The following PYGB variants were observed in gnomAD, a reference collection of about 807,000 sequenced individuals.
PYGB encodes glycogen phosphorylase, brain form.
A neutral mutation model predicts 94.3 loss-of-function variants in PYGB; 82 were observed. The ratio of observed to expected loss-of-function variants is 0.87; its 90% CI spans 0.73 to 1.04. The LOEUF is 1.04. Among genes scored for constraint, PYGB ranks in the 50% least tolerant of loss-of-function variants. PYGB has a pLI of 0.00. For synonymous variants in PYGB, 488 were observed against 479.1 expected, an observed-to-expected ratio of 1.02 and a Z score of -0.24; for missense variants, 1,132 against 1,158.2, an observed-to-expected ratio of 0.98 and a Z score of 0.33.
chr20:25,269,260 G>A (rs1379524120), intron 3 of PYGB, 53 bp downstream of exon 3: 6 of 1,460,308 alleles, frequency 4.1e-6, no homozygotes, highest in East Asian at 2.3e-5. Context: ...CTTGGTTGGA[G>A]GCCACGTGGT....
Position 25,296,502 on chromosome 20 carries a change from C to T in PYGB, c.2512C>T (p.Pro838Ser). 2 of 1,613,612 alleles carry T rather than the reference C, an allele frequency of 1.2e-6. No homozygotes were observed. Among genetic ancestry groups the T allele is most frequent in the Non-Finnish European group, 8.5e-7 (1 of 1,179,928 alleles). The change falls in exon 20 of 20, where the codon CCC becomes TCC. Residue 838 changes from proline to serine, a missense_variant. Coordinates refer to ENST00000216962, the MANE Select transcript of PYGB (RefSeq NM_002862.4). ...VEPSDLQIPPPNIPRD is the reference protein window; with the variant it reads ...VEPSDLQIPPSNIPRD ...GCCCTCCGACCTGCAGATCCCGCCCCCCAACATCCCCCGGGACTAGGCACA... is the reference window on the plus strand; with the variant it reads ...GCCCTCCGACCTGCAGATCCCGCCCTCCAACATCCCCCGGGACTAGGCACA...
chr20:25,294,574 C>T (rs917180172), intron 18 of PYGB, among the ~76,000 whole-genome samples: 7 of 152,208 alleles, frequency 4.6e-5, no homozygotes, highest in Non-Finnish European at 7.3e-5. Context: ...GGGGTGTCCT[C>T]TGCTGGTTGG....
At chr20:25,285,109 G>C (rs2088405451) in intron 14 of PYGB, 1 of 152,198 alleles carries the variant, frequency 6.6e-6, no homozygotes, top group African/African-American at 2.4e-5. Context: ...TGGAGGATCT[G>C]GGTGCGTTTG....
In PYGB at chr20:25,259,312, A is replaced by G. The variant is rs2092908675; in HGVS notation, c.319A>G (p.Asn107Asp). The change falls in exon 2 of 20, where the codon AAT becomes GAT. Residue 107 changes from asparagine (N) to aspartate (D), a missense_variant. Coordinates refer to ENST00000216962, the MANE Select transcript of PYGB (RefSeq NM_002862.4). ...CACGATGGTGAACCTGGGCCTTCAG[A>G]ATGCCTGCGATGAAGCCATCTATCA... is the stretch of plus-strand genomic sequence containing the variant. ...QNTMVNLGLQ[N>D]ACDEAIYQLG... 10 of 1,611,044 alleles carry G rather than the reference A, an allele frequency of 6.2e-6. No homozygotes were observed. The highest frequency in any genetic ancestry group is 8.5e-6 in the Non-Finnish European group (10 of 1,177,272).
chr20:25,261,066 A>C (rs2092912430), intron 2 of PYGB, among the ~76,000 whole-genome samples: 2 of 152,260 alleles, frequency 1.3e-5, no homozygotes, highest in Non-Finnish European at 1.5e-5. Flanking sequence ...GGCATAGCTG[A>C]ACAAAAGGCA....
intron 14 of PYGB, 27 bp downstream of exon 14, chr20:25,284,278 C>G (rs368905965): frequency 3.2e-5 from 51 of 1,601,964 alleles, no homozygotes; most frequent in Admixed American, 1.5e-4. Context: ...CCTGCATGAC[C>G]GCGCTGTGGG....
chr20:25,294,378 T>C (rs1023703832), intron 18 of PYGB, 86 bp downstream of exon 18: 33 of 1,463,738 alleles, frequency 2.3e-5, no homozygotes, highest in South Asian at 5.0e-5. Context: ...CCACCTTGTT[T>C]GGAGAGCAAA....
intron 2 of PYGB, among the ~76,000 whole-genome samples, chr20:25,263,905 G>A (rs113947628): frequency 1.7e-3 from 260 of 152,304 alleles, no homozygotes; most frequent in Middle Eastern, 0.01. Context: ...AATAGAAAAA[G>A]AGAGAATCCT....
intron 2 of PYGB, among the ~76,000 whole-genome samples, chr20:25,263,213 G>C (rs1232357536): frequency 6.6e-6 from 1 of 152,172 alleles, no homozygotes; most frequent in African/African-American, 2.4e-5. Context: ...CACATAGTTG[G>C]AAGTAAAGCA....
chr20:25,270,775 G>A (rs943046627), intron 3 of PYGB, among the ~76,000 whole-genome samples: 14 of 152,192 alleles, frequency 9.2e-5, no homozygotes, highest in Admixed American at 7.9e-4. Flanking sequence ...GATCACAGGT[G>A]TGAGCCACCA....
At position 25,296,657 on chromosome 20, in the gene PYGB, G is replaced by C; in HGVS notation, c.*135G>C. 8.2e-7 allele frequency: 1 copy of C among 1,218,636 alleles called. No individual in the cohort carries two copies. Among genetic ancestry groups the C allele is most frequent in the Non-Finnish European group, 1.1e-6 (1 of 892,868 alleles). The allele number at this position is 1,218,636 out of a possible 1,614,324, so 75.5% of individuals were successfully genotyped here. A position where few individuals can be genotyped will look rare whatever the true frequency, so the allele number is the denominator to read the frequency against. On this transcript the variant is annotated 3_prime_UTR_variant, in exon 20 of 20. Transcript: ENST00000216962. ...TACCATGTTTCCAGGAGGGGCCATGGGGGTCAGGGTGGTTTTGAGAGAGCA... is the reference window on the plus strand; with the variant it reads ...TACCATGTTTCCAGGAGGGGCCATGCGGGTCAGGGTGGTTTTGAGAGAGCA...
chr20:25,289,581 C>T (rs1279877955), intron 15 of PYGB, among the ~76,000 whole-genome samples: 1 of 151,720 alleles, frequency 6.6e-6, no homozygotes, highest in Non-Finnish European at 1.5e-5. Context: ...GTGATTGAGG[C>T]TATAGTGAGC....
chr20:25,281,179 C>A, intron 11 of PYGB, 67 bp downstream of exon 11: 3 of 1,569,942 alleles, frequency 1.9e-6, no homozygotes, highest in Non-Finnish European at 2.6e-6. Flanking sequence ...CTAGGACCAT[C>A]CACCAAACAC....
chr20:25,292,883 GCTC>G (rs751153870), intron 17 of PYGB, among the ~76,000 whole-genome samples: 1 of 152,118 alleles, frequency 6.6e-6, no homozygotes, highest in African/African-American at 2.4e-5. Context: ...CAGACCAGGG[GCTC>G]CTCCTCCAGG....
chr20:25,290,715 A>G, intron 16 of PYGB, 93 bp downstream of exon 16: 1 of 1,522,828 alleles, frequency 6.6e-7, no homozygotes, highest in Non-Finnish European at 9.0e-7. Context: ...CAGCCAGTTC[A>G]GCTCTGCCTG....
intron 4 of PYGB, 95 bp downstream of exon 4, chr20:25,271,581 C>T: frequency 7.3e-7 from 1 of 1,367,244 alleles, no homozygotes; most frequent in South Asian, 1.2e-5. Flanking sequence ...TTCCCACGCC[C>T]CCGCCAGGGG....
chr20:25,293,658 C>T (rs2088495769), intron 17 of PYGB, among the ~76,000 whole-genome samples: 1 of 152,224 alleles, frequency 6.6e-6, no homozygotes, highest in Non-Finnish European at 1.5e-5. Flanking sequence ...GGGCCCCGTC[C>T]TGGGATGCCC....
chr20:25,248,960 C>T (rs1166591883), intron 1 of PYGB, among the ~76,000 whole-genome samples: 1 of 152,204 alleles, frequency 6.6e-6, no homozygotes, highest in South Asian at 2.1e-4. Flanking sequence ...GGGAGGGGTA[C>T]GAAGCTCAGA....
At chr20:25,294,037 C>A in intron 17 of PYGB, 121 bp from the exon 18 acceptor site, 2 of 1,368,300 alleles carry the variant, frequency 1.5e-6, no homozygotes, top group Non-Finnish European at 2.0e-6. Context: ...CTGGACCGTG[C>A]AGGCCTTGAG....
Sources: allele counts gnomAD v4.1 joint callset (sites outside exome capture counted in the v4.1 genomes callset), GRCh38; gene constraint gnomAD v4.1.1; transcripts MANE v1.5; gene names NCBI Gene and HGNC (gene_info 2026-07-23, HGNC 2026-07-21).